The following PCDHGA6 variants were observed in gnomAD, a reference collection of about 807,000 sequenced individuals.
The protein encoded by PCDHGA6 is protocadherin gamma-A6.
Under a neutral mutation model 60.6 loss-of-function variants are expected in PCDHGA6, and 41 were observed. The ratio of observed to expected loss-of-function variants is 0.68; its 90% confidence interval spans 0.53 to 0.88. PCDHGA6 has a LOEUF of 0.88. PCDHGA6 is among the 40% of genes least tolerant of loss of function. The probability of loss-of-function intolerance (pLI) is 0.00; values close to 1 mark genes in which losing one functional copy is unlikely to be tolerated. For missense variants in PCDHGA6, 1,312 were observed against 1,203.0 expected (o/e 1.09, Z -1.34); for synonymous variants, 594 against 524.4 (o/e 1.13, Z -1.81).
intron 1 of PCDHGA6, chr5:141,414,204 T>C (rs748616910): frequency 1.2e-6 from 2 of 1,612,266 alleles, no homozygotes; most frequent in East Asian, 2.2e-5. Flanking sequence ...CAGTAGAAGA[T>C]GTAAATGACA....
chr5:141,400,337 C>G (rs752660585), intron 1 of PCDHGA6: 7 of 1,614,080 alleles, frequency 4.3e-6, no homozygotes, highest in African/African-American at 2.7e-5. Flanking sequence ...GTGGTTCCCC[C>G]CAACTACAGT....
At chr5:141,430,846 C>A in intron 1 of PCDHGA6, 1 of 1,576,344 alleles carries the variant, frequency 6.3e-7, no homozygotes, top group South Asian at 1.2e-5. Context: ...CCGGATGCAC[C>A]CAGATACGCT....
At chr5:141,389,537 C>T in intron 1 of PCDHGA6, 2 of 1,613,216 alleles carry the variant, frequency 1.2e-6, no homozygotes, top group Non-Finnish European at 8.5e-7. Context: ...TGTTAGTGGA[C>T]GACCGCAACG....
intron 3 of PCDHGA6, among the ~76,000 whole-genome samples, chr5:141,505,698 G>A (rs1041309644): frequency 2.0e-5 from 3 of 152,280 alleles, no homozygotes; most frequent in Admixed American, 6.5e-5. Context: ...GGAGGAGAGC[G>A]AACAAGGAAA....
chr5:141,472,850 G>A (rs1230517294), intron 1 of PCDHGA6, among the ~76,000 whole-genome samples: 1 of 151,876 alleles, frequency 6.6e-6, no homozygotes, highest in Admixed American at 6.6e-5. Flanking sequence ...GCTGGGCATG[G>A]TGGCACATGC....
chr5:141,379,540 G>C (rs1322397241), intron 1 of PCDHGA6: 2 of 152,194 alleles, frequency 1.3e-5, no homozygotes, highest in Non-Finnish European at 2.9e-5. Context: ...TATAGGGAAA[G>C]CTCACTAACT....
At chr5:141,376,640 T>TA in intron 1 of PCDHGA6, 133 bp downstream of exon 1, 1 of 1,130,380 alleles carries the variant, frequency 8.8e-7, no homozygotes, top group Non-Finnish European at 1.2e-6. Context: ...CGTGATTTTG[T>TA]AAAGTGGAAG....
At chr5:141,423,067 G>C (rs757110751) in intron 1 of PCDHGA6, 36 of 1,614,024 alleles carry the variant, frequency 2.2e-5, no homozygotes, top group Non-Finnish European at 2.9e-5. Context: ...TAAGGCCAGC[G>C]AGCCGGGACT....
chr5:141,375,742 G>A lies in PCDHGA6; in HGVS notation c.1659G>A (p.Leu553=). The change falls in exon 1 of 4, where the codon CTG becomes CTA. Residue 553 remains leucine (L), a synonymous_variant. Transcript: ENST00000517434. ...ACGTGTCACTGAGCCTGTTTGTGCT[G>A]GACCAGAATGACAATGCGCCCGAGA... ...SSNVSLSLFV[L]DQNDNAPEIL... is the part of the protein sequence containing the mutation. 1 of 1,614,216 alleles carries A rather than the reference G, an allele frequency of 6.2e-7. No individual in the cohort carries two copies. The highest frequency in any genetic ancestry group is 8.5e-7 in the Non-Finnish European group (1 of 1,180,032).
chr5:141,456,715 A>G (rs2098881350), intron 1 of PCDHGA6, among the ~76,000 whole-genome samples: 1 of 152,204 alleles, frequency 6.6e-6, no homozygotes, highest in South Asian at 2.1e-4. Flanking sequence ...CTGTAATCCC[A>G]GCACTTTGGG....
In PCDHGA6 at chr5:141,393,591, C is replaced by T. The variant is rs369860953; in HGVS notation, c.2424+17084C>T. On this transcript the variant is annotated intron_variant, in intron 1 of 3. Coordinates refer to ENST00000517434, the MANE Select transcript of PCDHGA6 (RefSeq NM_018919.3). ...CCTTGAGAACATGCCCCCAGGCACG[C>T]GGCTGCTTACTGTAACAGCCAGCGA... The T allele has an allele frequency of 1.8e-5, 29 of 1,613,882 alleles. No homozygotes were observed. The Middle Eastern group carries it at 4.9e-4, about 28-fold the overall frequency.
In PCDHGA6 at chr5:141,408,993, T is replaced by G. The variant is rs1258002192; in HGVS notation, c.2424+32486T>G. The G allele has an allele frequency of 1.2e-6, 2 of 1,613,814 alleles. No homozygotes were observed. The highest frequency in any genetic ancestry group is 2.7e-5 in the African/African-American group (2 of 74,912). On this transcript the variant is annotated intron_variant, in intron 1 of 3. Transcript: ENST00000517434. Reference sequence around the variant, plus strand: ...CCCCCTGGGTCCCCTGTGTTGCAAGTGACAGCCACTGACCAGGATGAGGGG... The same window carrying G: ...CCCCCTGGGTCCCCTGTGTTGCAAGGGACAGCCACTGACCAGGATGAGGGG...
In PCDHGA6 at chr5:141,375,438, T is replaced by TC; in HGVS notation, c.1360dup (p.His454ProfsTer10). On this transcript the variant is annotated frameshift_variant, in exon 1 of 4. Coordinates refer to ENST00000517434, the MANE Select transcript of PCDHGA6 (RefSeq NM_018919.3). LOFTEE classifies it high-confidence loss of function. ...GACACCAACGACAACCCGCCCACCT[T>TC]CCCCCATTCATCCTACTCAGTCTAT... 2 of 1,613,806 alleles carry TC rather than the reference T, an allele frequency of 1.2e-6. No homozygotes were observed. The highest frequency in any genetic ancestry group is 1.3e-5 in the African/African-American group (1 of 74,990).
chr5:141,447,018 G>GT (rs1329161304), intron 1 of PCDHGA6, among the ~76,000 whole-genome samples: 6 of 142,194 alleles, frequency 4.2e-5, no homozygotes, highest in African/African-American at 1.6e-4. Context: ...GTTCAGTTTT[G>GT]TTTTGTTTTT....
intron 1 of PCDHGA6, chr5:141,403,288 CAG>C: frequency 6.2e-7 from 1 of 1,613,878 alleles, no homozygotes; most frequent in Admixed American, 1.7e-5. Context: ...TGGTTGAAGA[CAG>C]AGTGAAACTG....
intron 1 of PCDHGA6, chr5:141,383,947 A>T (rs757638644): frequency 6.2e-7 from 1 of 1,613,788 alleles, no homozygotes; most frequent in Non-Finnish European, 8.5e-7. Context: ...AGTGACTATG[A>T]CGTCTTTAAG....
intron 1 of PCDHGA6, chr5:141,423,106 G>A (rs562864937): frequency 1.2e-6 from 2 of 1,613,894 alleles, no homozygotes; most frequent in Admixed American, 1.7e-5. Context: ...CACGGGCGAG[G>A]TGCGTACAGC....
intron 1 of PCDHGA6, chr5:141,430,836 C>T: frequency 6.4e-7 from 1 of 1,558,936 alleles, no homozygotes; most frequent in South Asian, 1.2e-5. Context: ...CTGTGGGAGA[C>T]CGGATGCACC....
At chr5:141,470,173 A>G (rs527296791) in intron 1 of PCDHGA6, among the ~76,000 whole-genome samples, 1 of 152,342 alleles carries the variant, frequency 6.6e-6, no homozygotes, top group South Asian at 2.1e-4. Context: ...AAGTATGCAA[A>G]ATATTCAAGT....
Sources: gnomAD v4.1 joint callset for allele counts (sites outside exome capture counted in the v4.1 genomes callset) on GRCh38, gnomAD v4.1.1 for gene constraint, MANE v1.5 for transcripts, NCBI Gene and HGNC (gene_info 2026-07-23, HGNC 2026-07-21) for gene names.